The following PCSK6 variants were observed in gnomAD, a reference collection of about 807,000 sequenced individuals.
The protein encoded by PCSK6 is paired basic amino acid cleaving enzyme 4.
Under a neutral mutation model 123.3 loss-of-function variants are expected in PCSK6, and 85 were observed. The ratio of observed to expected loss-of-function variants is 0.69; its 90% CI spans 0.58 to 0.83. The LOEUF is 0.83. Among genes scored for constraint, PCSK6 ranks in the 40% least tolerant of loss-of-function variants. PCSK6 has a pLI of 0.00. For missense variants in PCSK6, 1,191 were observed against 1,282.3 expected (o/e 0.93, Z 1.09); for synonymous variants, 508 against 516.0 (o/e 0.98, Z 0.21).
intron 13 of PCSK6, among the ~76,000 whole-genome samples, chr15:101,334,697 T>C (rs1035246705): frequency 2.6e-5 from 4 of 152,218 alleles, no homozygotes; most frequent in Non-Finnish European, 4.4e-5. Context: ...ATTTCAATTA[T>C]AGAGGATGTC....
chr15:101,421,501 C>T (rs75595038), intron 6 of PCSK6, among the ~76,000 whole-genome samples: 5,025 of 152,220 alleles, frequency 0.033, 90 homozygotes, highest in African/African-American at 0.04. Flanking sequence ...GAGATGAGGT[C>T]ATAAAAGACA....
rs1417581249 is a variant in PCSK6, at chr15:101,382,152, T to C, written c.1472A>G (p.Lys491Arg). The C allele has an allele frequency of 1.9e-6, 3 of 1,612,942 alleles. No homozygotes were observed. Among genetic ancestry groups the C allele is most frequent in the Non-Finnish European group, 2.5e-6 (3 of 1,179,628 alleles). ...CTGCGATGGCACTGCTGTCCACTTC[T>C]TTGCCTCCACAACGAGAGCTTCTGC... Reference protein sequence around the residue: ...VDAEALVVEAKKWTAVPSQHM... With the variant: ...VDAEALVVEARKWTAVPSQHM... The change falls in exon 11 of 22, where the codon AAG (lysine) becomes AGG (arginine). Residue 491 changes from lysine to arginine, a missense_variant. Around this residue, in one of 3 missense-constraint regions of PCSK6, gnomAD observed 630 missense variants for 631.4 expected, o/e 1.00. Transcript: ENST00000611716.
intron 13 of PCSK6, among the ~76,000 whole-genome samples, chr15:101,342,049 G>C (rs2040622512): frequency 6.8e-6 from 1 of 146,228 alleles, no homozygotes; most frequent in Non-Finnish European, 1.5e-5. Flanking sequence ...AGAATTGCTT[G>C]AACCTGGGAG....
chr15:101,354,724 C>T (rs918343595), intron 13 of PCSK6, among the ~76,000 whole-genome samples: 2 of 152,188 alleles, frequency 1.3e-5, no homozygotes, highest in Non-Finnish European at 2.9e-5. Flanking sequence ...AGTCCCCGTG[C>T]CCCATCACAC....
intron 13 of PCSK6, among the ~76,000 whole-genome samples, chr15:101,354,278 A>C (rs1175850486): frequency 6.6e-6 from 1 of 152,206 alleles, no homozygotes; most frequent in Non-Finnish European, 1.5e-5. Context: ...AGACATGCAC[A>C]TGGACACACA....
chr15:101,311,174 G>T (rs552330277), intron 20 of PCSK6, among the ~76,000 whole-genome samples: 1 of 151,920 alleles, frequency 6.6e-6, no homozygotes, highest in East Asian at 1.9e-4. Flanking sequence ...TGCATGGTGC[G>T]ATCATAGCTC....
chr15:101,390,727 G>A (rs981779722), intron 8 of PCSK6, among the ~76,000 whole-genome samples: 1 of 152,164 alleles, frequency 6.6e-6, no homozygotes, highest in Non-Finnish European at 1.5e-5. Flanking sequence ...AGATTCTCCC[G>A]GGAGCCTCCG....
At position 101,429,565 on chromosome 15, in the gene PCSK6, A is replaced by G. The variant is rs534174747; in HGVS notation, c.734+422T>C. On this transcript the variant is annotated intron_variant, in intron 5 of 21. Coordinates refer to ENST00000611716, the MANE Select transcript of PCSK6 (RefSeq NM_002570.5). ...AACCTGGGTCTATCCAGCATTACTC[A>G]TGCCCCTTCCACCTCATTCCTAAGG... Among the ~76,000 whole-genome samples, 69 of 152,262 alleles carry G rather than the reference A, an allele frequency of 4.5e-4. 1 individual carries two copies. Among genetic ancestry groups the G allele is most frequent in the Non-Finnish European group, 1.5e-5 (1 of 68,020 alleles).
Position 101,489,639 on chromosome 15 carries a change from G to T in PCSK6, c.32C>A (p.Pro11His). The T allele has an allele frequency of 1.0e-6, 1 of 977,512 alleles. No individual in the cohort carries two copies. The highest frequency in any genetic ancestry group is 1.2e-6 in the Non-Finnish European group (1 of 826,338). 60.6% of individuals were successfully genotyped at this position (977,512 alleles called of 1,614,324 possible). A position where few individuals can be genotyped will look rare whatever the true frequency, so the allele number is the denominator to read the frequency against. Residue 11 changes from proline (P) to histidine (H), a missense_variant, in exon 1 of 22, where the codon CCC (proline) becomes CAC (histidine). Coordinates refer to ENST00000611716, the MANE Select transcript of PCSK6 (RefSeq NM_002570.5). MPPRAPPAPG[P>H]RPPPRAAAAT... is the part of the protein sequence containing the mutation. ...GGCGGCGGCCCGGGGCGGCGGCCGG[G>T]GCCCGGGCGCAGGCGGCGCGCGCGG...
At chr15:101,371,317 C>T (rs992969060) in intron 11 of PCSK6, among the ~76,000 whole-genome samples, 7 of 152,132 alleles carry the variant, frequency 4.6e-5, no homozygotes, top group African/African-American at 1.4e-4. Context: ...GGCATTTGGC[C>T]AGCTCGTTTC....
intron 16 of PCSK6, among the ~76,000 whole-genome samples, chr15:101,325,478 C>T (rs1289197935): frequency 2.6e-5 from 4 of 152,186 alleles, no homozygotes; most frequent in Non-Finnish European, 4.4e-5. Context: ...CCACGAGAGC[C>T]ACATGGGCAC....
At chr15:101,395,384 C>T (rs1366395246) in intron 7 of PCSK6, among the ~76,000 whole-genome samples, 1 of 152,218 alleles carries the variant, frequency 6.6e-6, no homozygotes, top group Non-Finnish European at 1.5e-5. Flanking sequence ...CTCTGGACCC[C>T]ACTTTGAATA....
At position 101,434,733 on chromosome 15, in the gene PCSK6, C is replaced by T. The variant is rs1321060388; in HGVS notation, c.403-2633G>A. Among the ~76,000 whole-genome samples the T allele has an allele frequency of 2.0e-5, 3 of 152,322 alleles. No individual in the cohort carries two copies. The East Asian group carries it at 5.8e-4, about 29-fold the overall frequency. ...GAACACTGTACAACAGATGACTGAC[C>T]AGGCGTGGGGGCTTCTCCGTGGAGA... On this transcript the variant is annotated intron_variant, in intron 2 of 21. Coordinates refer to ENST00000611716, the MANE Select transcript of PCSK6 (RefSeq NM_002570.5).
chr15:101,486,893 A>T (rs141844197), intron 1 of PCSK6, among the ~76,000 whole-genome samples: 166 of 152,354 alleles, frequency 1.1e-3, no homozygotes, highest in African/African-American at 3.8e-3. Flanking sequence ...AGAACAGAGA[A>T]TACGGCAGAA....
intron 20 of PCSK6, among the ~76,000 whole-genome samples, chr15:101,310,466 T>C (rs2039830501): frequency 6.6e-6 from 1 of 152,230 alleles, no homozygotes; most frequent in South Asian, 2.1e-4. Flanking sequence ...TGATTATCAC[T>C]GTTTAATTCC....
chr15:101,485,680 T>C (rs942872057), intron 1 of PCSK6, among the ~76,000 whole-genome samples: 2 of 152,212 alleles, frequency 1.3e-5, no homozygotes, highest in African/African-American at 2.4e-5. Context: ...AGCTCACACA[T>C]ACAAGTTCCC....
intron 11 of PCSK6, among the ~76,000 whole-genome samples, chr15:101,370,896 C>A (rs2041565433): frequency 6.6e-6 from 1 of 152,202 alleles, no homozygotes; most frequent in Non-Finnish European, 1.5e-5. Context: ...ACAGCACAGG[C>A]CCCATTCCTC....
intron 2 of PCSK6, 21 bp downstream of exon 2, chr15:101,443,535 A>G (rs1391878556): frequency 1.3e-6 from 2 of 1,551,588 alleles, no homozygotes; most frequent in Non-Finnish European, 1.8e-6. Flanking sequence ...GCCCTTAGGA[A>G]AGCATCCGGA....
chr15:101,317,438 T>C (rs750765390), intron 19 of PCSK6, among the ~76,000 whole-genome samples: 2 of 152,250 alleles, frequency 1.3e-5, no homozygotes, highest in Non-Finnish European at 2.9e-5. Flanking sequence ...ATAAAAACTG[T>C]GCCTGGGAGA....
Sources: gnomAD v4.1 joint callset for allele counts (sites outside exome capture counted in the v4.1 genomes callset) on GRCh38, gnomAD v4.1.1 for gene constraint, gnomAD v4.1.1 regional missense constraint, MANE v1.5 for transcripts, NCBI Gene and HGNC (gene_info 2026-07-23, HGNC 2026-07-21) for gene names.